The following INPP5D variants were observed in gnomAD, a reference collection of about 807,000 sequenced individuals.
INPP5D encodes phosphatidylinositol 3,4,5-trisphosphate 5-phosphatase 1.
In INPP5D, 33 loss-of-function variants were observed where a neutral mutation model predicts 122.9. The ratio of observed to expected loss-of-function variants is 0.27; its 90% CI spans 0.20 to 0.36. The LOEUF (loss-of-function observed/expected upper bound fraction) is 0.36, where lower values mean the gene tolerates loss of function less well. Among genes scored for constraint, INPP5D ranks in the 10% least tolerant of loss-of-function variants. INPP5D has a pLI of 1.00. For synonymous variants in INPP5D, 584 were observed against 576.2 expected, an observed-to-expected ratio of 1.01 and a Z score of -0.19; for missense variants, 1,053 against 1,412.7, an observed-to-expected ratio of 0.75 and a Z score of 4.08.
intron 4 of INPP5D, among the ~76,000 whole-genome samples, chr2:233,129,038 T>C (rs182920804): frequency 2.0e-5 from 3 of 152,190 alleles, no homozygotes; most frequent in Admixed American, 2.0e-4. Context: ...TGGTGGCATG[T>C]GCCTGTGGTG....
intron 2 of INPP5D, among the ~76,000 whole-genome samples, chr2:233,117,441 C>T (rs1024326214): frequency 1.3e-5 from 2 of 152,174 alleles, no homozygotes; most frequent in African/African-American, 2.4e-5. Flanking sequence ...CAATGGGAGC[C>T]GCAGCCAGAT....
At chr2:233,136,917 A>G (rs1052625260) in intron 5 of INPP5D, among the ~76,000 whole-genome samples, 1 of 152,266 alleles carries the variant, frequency 6.6e-6, no homozygotes, top group African/African-American at 2.4e-5. Flanking sequence ...ATGTAGCTAC[A>G]GATCTTCAAG....
At chr2:233,068,242 A>G (rs151198509) in intron 1 of INPP5D, among the ~76,000 whole-genome samples, 7,500 of 142,534 alleles carry the variant, frequency 0.053, 502 homozygotes, top group African/African-American at 0.16. Context: ...CCGAGATGGC[A>G]CCCTTGCACT....
Position 233,160,598 on chromosome 2 carries a change from C to T in INPP5D, c.1138-1126C>T, listed in dbSNP as rs995575443. Among the ~76,000 whole-genome samples the T allele has an allele frequency of 1.3e-5, 2 of 152,002 alleles. No homozygotes were observed. Among genetic ancestry groups the T allele is most frequent in the Admixed American group, 1.3e-4 (2 of 15,242 alleles). On this transcript the variant is annotated intron_variant, in intron 10 of 26. Coordinates refer to ENST00000445964, the MANE Select transcript of INPP5D (RefSeq NM_001017915.3). This position sits in a 1 kb window ranked among gnomAD's most constrained non-coding sequence, Gnocchi z 4.2. ...CCCCTTCCAGATGTTTTTTAATTTT[C>T]TCTTTCTTTCTTCCTTCCCTTCTTT...
At chr2:233,201,252 C>T (rs1695332964) in intron 25 of INPP5D, among the ~76,000 whole-genome samples, 1 of 152,100 alleles carries the variant, frequency 6.6e-6, no homozygotes, top group Non-Finnish European at 1.5e-5. Flanking sequence ...CTTTGGAGAC[C>T]CCAGGAAATG....
chr2:233,145,293 C>T (rs1693728863), intron 6 of INPP5D: 1 of 456,068 alleles, frequency 2.2e-6, no homozygotes, highest in Non-Finnish European at 4.4e-6. Context: ...CAAGTTAGTT[C>T]ATCTCTCTGG....
intron 2 of INPP5D, among the ~76,000 whole-genome samples, chr2:233,093,693 A>G (rs2106224919): frequency 6.6e-6 from 1 of 152,176 alleles, no homozygotes; most frequent in African/African-American, 2.4e-5. Context: ...AAAAAAAAAA[A>G]AAAAAGACTT....
Position 233,128,298 on chromosome 2 carries a change from T to C in INPP5D, c.525-2210T>C, listed in dbSNP as rs1693222038. On this transcript the variant is annotated intron_variant, in intron 4 of 26. Transcript: ENST00000445964. The surrounding 1 kb of genome is among the most constrained non-coding windows in gnomAD (Gnocchi z 4.5). Reference sequence around the variant, plus strand: ...ATTGTCTTCCACAAAACCGGTCCCTTGTGCCAAAAAGGTTGGGGACCACTG... The same window carrying C: ...ATTGTCTTCCACAAAACCGGTCCCTCGTGCCAAAAAGGTTGGGGACCACTG... 6.6e-6 allele frequency among the ~76,000 whole-genome samples: 1 copy of C among 152,186 alleles called. No homozygotes were observed. Among genetic ancestry groups the C allele is most frequent in the Admixed American group, 6.5e-5 (1 of 15,280 alleles).
intron 1 of INPP5D, among the ~76,000 whole-genome samples, chr2:233,064,749 C>T (rs1691165246): frequency 1.3e-5 from 2 of 152,174 alleles, no homozygotes; most frequent in Admixed American, 1.3e-4. Flanking sequence ...GGAGAGGGAA[C>T]TTCTCGTGAT....
At position 233,204,358 on chromosome 2, in the gene INPP5D, C is replaced by T. The variant is rs1695421968; in HGVS notation, c.3208C>T (p.Arg1070Cys). The T allele has an allele frequency of 1.9e-6, 3 of 1,610,060 alleles. No homozygotes were observed. Among genetic ancestry groups the T allele is most frequent in the African/African-American group, 1.3e-5 (1 of 74,866 alleles). The change falls in exon 26 of 27, where the codon CGC (arginine) becomes TGC (cysteine). Residue 1070 changes from arginine to cysteine, a missense_variant. Coordinates refer to ENST00000445964, the MANE Select transcript of INPP5D (RefSeq NM_001017915.3). ...GCTCACCAAAGCCCAGGAGGCTGAT[C>T]GCGGCGAGGGGCCCGGCAAGCAGGT... ...IVLTKAQEAD[R>C]GEGPGKQVPA...
rs77331313 is a variant in INPP5D, at chr2:233,200,085, G to A, written c.2975+1709G>A. 2.3e-3 allele frequency among the ~76,000 whole-genome samples: 353 copies of A among 152,322 alleles called. 9 individuals are homozygous for A. The East Asian group carries it at 0.059, about 25-fold the overall frequency. Reference sequence around the variant, plus strand: ...GCCAGCCTGCAGAGAGAGGAGGCCCGGCCCTGAAACTCTGGGGAAGCCCCG... The same window carrying A: ...GCCAGCCTGCAGAGAGAGGAGGCCCAGCCCTGAAACTCTGGGGAAGCCCCG... On this transcript the variant is annotated intron_variant, in intron 25 of 26. Transcript: ENST00000445964.
At position 233,118,324 on chromosome 2, in the gene INPP5D, T is replaced by C. The variant is rs571679175; in HGVS notation, c.199-3783T>C. ...CCCAGGTTCAGAATGCAACACCATGTGTGGGCTGCTCCTCTCTGCACTGCA... is the reference window on the plus strand; with the variant it reads ...CCCAGGTTCAGAATGCAACACCATGCGTGGGCTGCTCCTCTCTGCACTGCA... On this transcript the variant is annotated intron_variant, in intron 2 of 26. Transcript: ENST00000445964. Among the ~76,000 whole-genome samples, 23 of 152,286 alleles carry C rather than the reference T, an allele frequency of 1.5e-4. No homozygotes were observed. In the South Asian group the frequency reaches 4.8e-3, roughly 32 times the overall value.
chr2:233,106,893 A>T (rs556460924), intron 2 of INPP5D, among the ~76,000 whole-genome samples: 1 of 152,274 alleles, frequency 6.6e-6, no homozygotes, highest in South Asian at 2.1e-4. Context: ...ATTAACAGAG[A>T]CTTCAGAGCT....
chr2:233,129,525 C>T (rs1338087405), intron 4 of INPP5D, among the ~76,000 whole-genome samples: 9 of 152,226 alleles, frequency 5.9e-5, no homozygotes, highest in Non-Finnish European at 1.3e-4. Flanking sequence ...TGTGCCTCTG[C>T]CACCAGGGTT....
intron 25 of INPP5D, among the ~76,000 whole-genome samples, chr2:233,202,185 A>G (rs1288020873): frequency 6.6e-6 from 1 of 152,096 alleles, no homozygotes; most frequent in African/African-American, 2.4e-5. Context: ...AGCCCCTGAG[A>G]GAGGGTGGTC....
intron 2 of INPP5D, among the ~76,000 whole-genome samples, chr2:233,088,877 G>A (rs115440514): frequency 0.01 from 1,572 of 152,296 alleles, 35 homozygotes; most frequent in African/African-American, 0.036. Flanking sequence ...TTGGAGAGGA[G>A]GACAAGTGCC....
rs1694825497 is a variant in INPP5D, at chr2:233,183,129, A to C, written c.2161+630A>C. Reference sequence around the variant, plus strand: ...ATAATCCAGCTCAGCCCTGGTTGCCAGGCCACCCTCATCCCAGCTGGGCCA... The same window carrying C: ...ATAATCCAGCTCAGCCCTGGTTGCCCGGCCACCCTCATCCCAGCTGGGCCA... On this transcript the variant is annotated intron_variant, in intron 19 of 26. Transcript: ENST00000445964. This position sits in a 1 kb window ranked among gnomAD's most constrained non-coding sequence, Gnocchi z 4.6. 6.6e-6 allele frequency among the ~76,000 whole-genome samples: 1 copy of C among 152,164 alleles called. No individual in the cohort carries two copies. The highest frequency in any genetic ancestry group is 2.1e-4 in the South Asian group (1 of 4,830).
At chr2:233,114,154 C>T (rs188808783) in intron 2 of INPP5D, among the ~76,000 whole-genome samples, 6 of 152,230 alleles carry the variant, frequency 3.9e-5, no homozygotes, top group South Asian at 2.1e-4. Context: ...GTGATCTGCC[C>T]GCCTCGGCCT....
chr2:233,146,264 C>T, intron 7 of INPP5D, 22 bp downstream of exon 7: 2 of 704,284 alleles, frequency 2.8e-6, no homozygotes, highest in South Asian at 1.5e-5. Context: ...GCTCCTGCGG[C>T]TTCTCTTGGT....
Sources: gnomAD v4.1 joint callset for allele counts (sites outside exome capture counted in the v4.1 genomes callset) on GRCh38, gnomAD v4.1.1 for gene constraint, Gnocchi (gnomAD v3.1) non-coding constraint, MANE v1.5 for transcripts, NCBI Gene and HGNC (gene_info 2026-07-23, HGNC 2026-07-21) for gene names.